ARHGAP26: variants seen among roughly 807,000 people sequenced by gnomAD.
ARHGAP26 encodes the protein rho GTPase-activating protein 26.
Under a neutral mutation model 104.8 loss-of-function variants are expected in ARHGAP26, and 38 were observed. The ratio of observed to expected loss-of-function variants is 0.36; its 90% CI spans 0.28 to 0.48. ARHGAP26 has a LOEUF of 0.48. Ranked by LOEUF, ARHGAP26 falls within the 20% of genes least tolerant of loss-of-function variation. The pLI is 0.99. For missense variants in ARHGAP26, 704 were observed against 947.9 expected (o/e 0.74, Z 3.38); for synonymous variants, 341 against 340.0 (o/e 1.00, Z -0.03).
intron 11 of ARHGAP26, among the ~76,000 whole-genome samples, chr5:142,970,996 A>G (rs576979498): frequency 6.6e-6 from 1 of 152,208 alleles, no homozygotes; most frequent in Admixed American, 6.5e-5. Flanking sequence ...TCTGGTTTCA[A>G]TCCCATTTTG....
intron 13 of ARHGAP26, among the ~76,000 whole-genome samples, chr5:143,040,555 A>T (rs906520207): frequency 1.3e-5 from 2 of 151,944 alleles, no homozygotes; most frequent in African/African-American, 4.8e-5. Flanking sequence ...TTGAGAATGT[A>T]ACAGAAAAAA....
At chr5:142,771,710 A>G (rs935352147) in intron 1 of ARHGAP26, among the ~76,000 whole-genome samples, 12 of 152,226 alleles carry the variant, frequency 7.9e-5, no homozygotes, top group African/African-American at 1.4e-4. Flanking sequence ...AGGAATATCC[A>G]TAATTCTCAG....
At chr5:143,034,556 A>C (rs935671710) in intron 12 of ARHGAP26, among the ~76,000 whole-genome samples, 1 of 152,172 alleles carries the variant, frequency 6.6e-6, no homozygotes, top group Non-Finnish European at 1.5e-5. Context: ...AAATCCATAG[A>C]AAAGGAATTC....
chr5:142,798,615 A>T (rs1361402219), intron 1 of ARHGAP26, among the ~76,000 whole-genome samples: 1 of 152,200 alleles, frequency 6.6e-6, no homozygotes, highest in Non-Finnish European at 1.5e-5. Flanking sequence ...TCTGCCTGGA[A>T]GGGTGGTGAT....
intron 17 of ARHGAP26, among the ~76,000 whole-genome samples, chr5:143,073,276 G>A (rs1386402837): frequency 1.3e-5 from 2 of 152,280 alleles, no homozygotes; most frequent in African/African-American, 4.8e-5. Context: ...TAAGTTACAT[G>A]CCAGTAACTT....
chr5:142,896,994 A>G (rs1175486511), intron 6 of ARHGAP26, among the ~76,000 whole-genome samples: 1 of 152,214 alleles, frequency 6.6e-6, no homozygotes. Flanking sequence ...AACAGGGCCT[A>G]CCTGTTTTAA....
intron 13 of ARHGAP26, among the ~76,000 whole-genome samples, chr5:143,039,407 C>G (rs931961657): frequency 2.6e-5 from 4 of 152,026 alleles, no homozygotes; most frequent in African/African-American, 9.7e-5. Flanking sequence ...GGTTTTACCA[C>G]ATTGGCCAGG....
chr5:142,980,315 G>A (rs965898548), intron 11 of ARHGAP26, among the ~76,000 whole-genome samples: 2 of 151,670 alleles, frequency 1.3e-5, no homozygotes, highest in African/African-American at 2.4e-5. Flanking sequence ...TGGATTGTTT[G>A]TAAATTTGAG....
intron 10 of ARHGAP26, chr5:142,919,485 T>C: frequency 2.5e-6 from 1 of 398,094 alleles, no homozygotes; most frequent in Non-Finnish European, 4.4e-6. Flanking sequence ...CCCCAGGAAA[T>C]GAACGCAGTT....
At chr5:143,209,794 A>T (rs1254663640) in intron 21 of ARHGAP26, among the ~76,000 whole-genome samples, 2 of 150,842 alleles carry the variant, frequency 1.3e-5, no homozygotes, top group South Asian at 4.2e-4. Context: ...AAAAAAAAAA[A>T]TAGTCAAGGC....
chr5:142,906,721 G>A (rs1187180453), intron 8 of ARHGAP26, among the ~76,000 whole-genome samples: 2 of 152,152 alleles, frequency 1.3e-5, no homozygotes, highest in Non-Finnish European at 2.9e-5. Flanking sequence ...ACACTAAGAT[G>A]GTTTGTATTT....
intron 12 of ARHGAP26, among the ~76,000 whole-genome samples, chr5:143,033,727 A>G (rs1180867207): frequency 6.6e-6 from 1 of 152,242 alleles, no homozygotes. Flanking sequence ...ATCCTAGTTC[A>G]GAATCAATGT....
chr5:143,028,165 GGATGAT>G lies in ARHGAP26; in HGVS notation c.1145-9009_1145-9004del, dbSNP rs147935644. ...CGTAGGTTTCCTATCTACAAAATAC[GGATGAT>G]GATGATGATGATGATGATGATAAGA... is the stretch of plus-strand genomic sequence containing the variant. On this transcript the variant is annotated intron_variant, in intron 12 of 22. Coordinates refer to ENST00000645722, the MANE Select transcript of ARHGAP26 (RefSeq NM_001135608.3). 1.1e-4 allele frequency among the ~76,000 whole-genome samples: 16 copies of G among 151,890 alleles called. No homozygotes were observed. The East Asian group carries it at 1.4e-3, about 13-fold the overall frequency.
chr5:143,112,321 G>A (rs1794877898), intron 17 of ARHGAP26, among the ~76,000 whole-genome samples: 2 of 152,176 alleles, frequency 1.3e-5, no homozygotes, highest in South Asian at 4.1e-4. Flanking sequence ...TCAGCATTAG[G>A]AAGGAAGGAA....
intron 11 of ARHGAP26, among the ~76,000 whole-genome samples, chr5:142,947,885 T>C (rs946204708): frequency 6.6e-6 from 1 of 152,090 alleles, no homozygotes; most frequent in Non-Finnish European, 1.5e-5. Context: ...CTAGGTGCAG[T>C]GGTGTACGCC....
intron 17 of ARHGAP26, among the ~76,000 whole-genome samples, chr5:143,072,689 AG>A (rs1788447746): frequency 1.3e-5 from 2 of 152,228 alleles, no homozygotes; most frequent in African/African-American, 4.8e-5. Context: ...AAACTAAAAA[AG>A]GTCGATCTCA....
At chr5:143,177,847 G>A (rs1157753299) in intron 20 of ARHGAP26, among the ~76,000 whole-genome samples, 1 of 152,078 alleles carries the variant, frequency 6.6e-6, no homozygotes, top group Non-Finnish European at 1.5e-5. Flanking sequence ...CAGCACTTGA[G>A]GGTGCTCTTT....
chr5:142,874,918 A>T lies in ARHGAP26; in HGVS notation c.251-192A>T, dbSNP rs1438026405. ...ATTCCCTAGCTAGAGTGCCAGGTGG[A>T]ATTAACCTGCATTTCTGGGTCATCC... is the stretch of plus-strand genomic sequence containing the variant. On this transcript the variant is annotated intron_variant, in intron 2 of 22. Coordinates refer to ENST00000645722, the MANE Select transcript of ARHGAP26 (RefSeq NM_001135608.3). 1.0e-5 allele frequency: 6 copies of T among 574,136 alleles called. No individual in the cohort carries two copies. In the Admixed American group the frequency reaches 1.8e-4, roughly 17 times the overall value. 35.6% of individuals were successfully genotyped at this position (574,136 alleles called of 1,614,324 possible).
intron 18 of ARHGAP26, among the ~76,000 whole-genome samples, chr5:143,130,185 C>T (rs771690637): frequency 2.0e-5 from 3 of 152,164 alleles, no homozygotes; most frequent in Non-Finnish European, 4.4e-5. Flanking sequence ...TGACTTGCAG[C>T]TTAAGGCGAA....
Sources: allele counts gnomAD v4.1 joint callset (sites outside exome capture counted in the v4.1 genomes callset), GRCh38; gene constraint gnomAD v4.1.1; transcripts MANE v1.5; gene names NCBI Gene and HGNC (gene_info 2026-07-23, HGNC 2026-07-21).